OGT: variants seen among roughly 807,000 people sequenced by gnomAD.
OGT encodes the protein UDP-N-acetylglucosamine--peptide N-acetylglucosaminyltransferase 110 kDa subunit.
Under a neutral mutation model 75.8 loss-of-function variants are expected in OGT, and 3 were observed. The observed-to-expected ratio is 0.04, with a 90% confidence interval of 0.02 to 0.10. The LOEUF is 0.10. Ranked by LOEUF, OGT falls within the 10% of genes least tolerant of loss-of-function variation. The pLI is 1.00. For synonymous variants in OGT, 257 were observed against 289.7 expected (o/e 0.89, Z 1.15); for missense variants, 260 against 824.4 (o/e 0.32, Z 8.38).
rs2040146497 is a variant in OGT, at chrX:71,533,201, G to C, written c.-99G>C. The C allele has an allele frequency of 3.5e-6, 3 of 857,426 alleles. No homozygotes were observed. In the Admixed American group the frequency reaches 7.9e-5, roughly 23 times the overall value. 70.7% of individuals were successfully genotyped at this position (857,426 alleles called of 1,213,427 possible). The stretch of plus-strand genomic sequence containing the variant: ...TCAAGCCCTCCAGAGCATTGCTACG[G>C]CTGCTGCCCTTGTACTACTACCTCC... On this transcript the variant is annotated 5_prime_UTR_variant, in exon 1 of 22. Coordinates refer to ENST00000373719, the MANE Select transcript of OGT (RefSeq NM_181672.3).
chrX:71,548,061 C>T (rs747775593), intron 5 of OGT, 38 bp downstream of exon 5: 1 of 1,168,743 alleles, frequency 8.6e-7, no homozygotes, highest in Non-Finnish European at 1.2e-6. Flanking sequence ...TTTTGAAGTG[C>T]TTACGCATGT....
chrX:71,571,887 A>T (rs1434632258), intron 21 of OGT, among the ~76,000 whole-genome samples: 1 of 109,520 alleles, frequency 9.1e-6, no homozygotes, highest in Non-Finnish European at 1.9e-5. Flanking sequence ...CTCCTGCCTC[A>T]GCCTCTTGAG....
rs1054330178 is a variant in OGT at position 71,541,949 on chromosome X, C to T, written c.463-2618C>T. On this transcript the variant is annotated intron_variant, in intron 3 of 21. Coordinates refer to ENST00000373719, the MANE Select transcript of OGT (RefSeq NM_181672.3). ...TTTCCCTTGTATACAGTGCCCTCCTCCTTTGTCTATTAAAACCCTACTCAT... is the reference window on the plus strand; with the variant it reads ...TTTCCCTTGTATACAGTGCCCTCCTTCTTTGTCTATTAAAACCCTACTCAT... Among the ~76,000 whole-genome samples the T allele has an allele frequency of 3.6e-5, 4 of 111,363 alleles. No homozygotes were observed. The Admixed American group carries it at 3.8e-4, about 11-fold the overall frequency.
chrX:71,570,593 TAAA>T (rs2040451299), intron 21 of OGT, among the ~76,000 whole-genome samples: 1 of 111,351 alleles, frequency 9.0e-6, no homozygotes, highest in South Asian at 3.7e-4. Flanking sequence ...ATGTGAGGAT[TAAA>T]AAAGGCATTC....
chrX:71,544,540 T>C, intron 3 of OGT, 27 bp from the exon 4 acceptor site: 3 of 1,186,226 alleles, frequency 2.5e-6, no homozygotes, highest in Non-Finnish European at 3.4e-6. Context: ...CAGAGTATAA[T>C]TAATGACAGC....
chrX:71,562,659 A>G (rs937466533), intron 15 of OGT, among the ~76,000 whole-genome samples, 188 bp from the exon 16 acceptor site: 2 of 112,155 alleles, frequency 1.8e-5, no homozygotes, highest in South Asian at 7.4e-4. Context: ...TCTAAAAAAG[A>G]GTTAGACCTC....
In OGT at chrX:71,567,674, T is replaced by C. The variant is rs2040425177; in HGVS notation, c.2764T>C (p.Leu922=). ...VRRGQLADVC[L]DTPLCNGHTT... ...GAGAGGCCAGCTGGCTGATGTCTGC[T>C]TGGACACTCCACTCTGTAATGGGCA... is the stretch of plus-strand genomic sequence containing the variant. Residue 922 remains leucine, a synonymous_variant, in exon 20 of 22, where the codon TTG becomes CTG. Transcript: ENST00000373719. 1 of 1,210,966 alleles carries C rather than the reference T, an allele frequency of 8.3e-7. No individual in the cohort carries two copies.
chrX:71,573,621 C>T lies in OGT; in HGVS notation c.2968C>T (p.Leu990=). 8.4e-7 allele frequency: 1 copy of T among 1,188,856 alleles called. No individual in the cohort carries two copies. The highest frequency in any genetic ancestry group is 1.9e-5 in the South Asian group (1 of 52,306). The part of the protein sequence containing the change: ...AVKLGTDLEY[L]KKVRGKVWKQ... ...GGGTTCTTGTTTTTTATTACCCAGC[C>T]TGAAGAAAGTTCGTGGCAAAGTCTG... Residue 990 remains leucine (L), a splice_region_variant and synonymous_variant, in exon 22 of 22, where the codon CTG becomes TTG. Transcript: ENST00000373719.
At position 71,559,380 on chromosome X, in the gene OGT, C is replaced by T. The variant is rs1035444060; in HGVS notation, c.1716C>T (p.His572=). Reference sequence around the variant, plus strand: ...ACTTTGGGAATCATCCTACTTCTCACCTTATGCAGTCTATTCCAGGCATGC... The same window carrying T: ...ACTTTGGGAATCATCCTACTTCTCATCTTATGCAGTCTATTCCAGGCATGC... ...SSDFGNHPTS[H]LMQSIPGMHN... The change falls in exon 13 of 22, where the codon CAC becomes CAT. Residue 572 remains histidine (H), a synonymous_variant. Transcript: ENST00000373719. 2 of 1,208,996 alleles carry T rather than the reference C, an allele frequency of 1.7e-6. No homozygotes were observed. Among genetic ancestry groups the T allele is most frequent in the African/African-American group, 1.8e-5 (1 of 57,108 alleles).
intron 11 of OGT, 41 bp downstream of exon 11, chrX:71,557,337 A>G (rs1443042001): frequency 6.4e-6 from 7 of 1,098,142 alleles, no homozygotes; most frequent in African/African-American, 3.6e-5. Context: ...CAGTGTTGTA[A>G]TAGCTTTTTA....
At chrX:71,540,106 CTA>C (rs2040207138) in intron 3 of OGT, among the ~76,000 whole-genome samples, 1 of 112,453 alleles carries the variant, frequency 8.9e-6, no homozygotes, top group African/African-American at 3.2e-5. Context: ...TCATCTGGTT[CTA>C]TGTTTCTTCT....
At chrX:71,550,018 A>G (rs2040291404) in intron 5 of OGT, among the ~76,000 whole-genome samples, 1 of 112,314 alleles carries the variant, frequency 8.9e-6, no homozygotes, top group South Asian at 3.7e-4. Flanking sequence ...GAAATATACT[A>G]AAACTTATCA....
chrX:71,562,499 C>T (rs2040391478), intron 15 of OGT, among the ~76,000 whole-genome samples: 2 of 111,808 alleles, frequency 1.8e-5, no homozygotes, highest in African/African-American at 3.2e-5. Context: ...CTAAAGAAGT[C>T]AGCCTTGCTG....
chrX:71,559,135 C>A, intron 12 of OGT, 132 bp from the exon 13 acceptor site: 2 of 520,219 alleles, frequency 3.8e-6, no homozygotes, highest in Non-Finnish European at 6.2e-6. Flanking sequence ...ATCTCTCTGG[C>A]AATATTAACT....
At chrX:71,558,961 T>A (rs1420463595) in intron 12 of OGT, among the ~76,000 whole-genome samples, 1 of 101,404 alleles carries the variant, frequency 9.9e-6, no homozygotes, top group Non-Finnish European at 2.0e-5. Flanking sequence ...TTTTTTTTTT[T>A]TAGTAGAGAT....
chrX:71,536,049 G>C, intron 1 of OGT, 129 bp from the exon 2 acceptor site: 1 of 516,786 alleles, frequency 1.9e-6, no homozygotes, highest in Non-Finnish European at 3.1e-6. Context: ...GAACACTCTA[G>C]TGCTTTACAT....
At chrX:71,562,505 T>TG (rs1360734960) in intron 15 of OGT, among the ~76,000 whole-genome samples, 1 of 111,870 alleles carries the variant, frequency 8.9e-6, no homozygotes, top group Non-Finnish European at 1.9e-5. Flanking sequence ...AAGTCAGCCT[T>TG]GCTGTGCGTG....
intron 3 of OGT, among the ~76,000 whole-genome samples, chrX:71,540,930 C>T (rs913165590): frequency 1.5e-4 from 17 of 111,699 alleles, no homozygotes; most frequent in African/African-American, 3.9e-4. Context: ...GCTTCAGCCT[C>T]CCAAAGTGCT....
chrX:71,572,908 C>T (rs190256286), intron 21 of OGT, among the ~76,000 whole-genome samples: 2,968 of 112,121 alleles, frequency 0.026, 39 homozygotes, highest in Non-Finnish European at 0.04. Context: ...GAAATCTTTT[C>T]CCCTGTGTTT....
Sources: allele counts gnomAD v4.1 joint callset (sites outside exome capture counted in the v4.1 genomes callset), GRCh38; gene constraint gnomAD v4.1.1; transcripts MANE v1.5; gene names NCBI Gene and HGNC (gene_info 2026-07-23, HGNC 2026-07-21).